PPFIA2: variants seen among roughly 807,000 people sequenced by gnomAD.
The protein encoded by PPFIA2 is PPFI scaffold protein A2.
PPFIA2 carries 46 observed loss-of-function variants against 175.5 expected under a neutral mutation model. That is an observed-to-expected ratio of 0.26 (90% CI 0.21 to 0.34). The LOEUF is 0.34. Among genes scored for constraint, PPFIA2 ranks in the 10% least tolerant of loss-of-function variants. The pLI is 1.00. For synonymous variants in PPFIA2, 568 were observed against 511.4 expected (o/e 1.11, Z -1.49); for missense variants, 1,179 against 1,506.1 (o/e 0.78, Z 3.60).
chr12:81,399,586 T>G (rs1039214675), intron 8 of PPFIA2, among the ~76,000 whole-genome samples: 1 of 152,110 alleles, frequency 6.6e-6, no homozygotes, highest in Non-Finnish European at 1.5e-5. Context: ...TACAACTTCA[T>G]GTATATATGG....
At chr12:81,429,436 A>C (rs775639468) in intron 7 of PPFIA2, among the ~76,000 whole-genome samples, 3 of 151,978 alleles carry the variant, frequency 2.0e-5, no homozygotes, top group Non-Finnish European at 4.4e-5. Context: ...CACTTGATTA[A>C]TTTTTCAAAT....
chr12:81,445,616 T>C lies in PPFIA2; in HGVS notation c.510A>G (p.Glu170=), dbSNP rs757698218. ...QAQSPSGVSS[E]VEVLKALKSL... ...ATTTCAGTGCCTTGAGAACTTCAACTTCACTGGATACTCCTGAGGGAGACT... is the reference window on the plus strand; with the variant it reads ...ATTTCAGTGCCTTGAGAACTTCAACCTCACTGGATACTCCTGAGGGAGACT... The change falls in exon 6 of 33, where the codon GAA becomes GAG. Residue 170 remains glutamate (E), a synonymous_variant. Coordinates refer to ENST00000549396, the MANE Select transcript of PPFIA2 (RefSeq NM_003625.5). The C allele has an allele frequency of 1.9e-6, 3 of 1,613,780 alleles. No homozygotes were observed. In the African/African-American group the frequency reaches 4.0e-5, roughly 22 times the overall value.
At chr12:81,367,365 T>A (rs2033791300) in intron 13 of PPFIA2, among the ~76,000 whole-genome samples, 195 bp from the exon 14 acceptor site, 1 of 151,610 alleles carries the variant, frequency 6.6e-6, no homozygotes, top group Admixed American at 6.6e-5. Context: ...ATACATAATT[T>A]AAATGGGAAA....
chr12:81,293,351 A>T (rs2045565472), intron 24 of PPFIA2, among the ~76,000 whole-genome samples: 1 of 152,054 alleles, frequency 6.6e-6, no homozygotes, highest in Non-Finnish European at 1.5e-5. Context: ...TAGGATAGGT[A>T]AAAAATTATG....
intron 22 of PPFIA2, among the ~76,000 whole-genome samples, chr12:81,325,445 A>G (rs762757419): frequency 1.3e-5 from 2 of 152,254 alleles, no homozygotes; most frequent in Non-Finnish European, 2.9e-5. Context: ...AAACAAAGCT[A>G]GATGGTATAA....
chr12:81,433,006 T>G (rs2144605485), intron 7 of PPFIA2, among the ~76,000 whole-genome samples: 1 of 147,736 alleles, frequency 6.8e-6, no homozygotes, highest in South Asian at 2.1e-4. Flanking sequence ...CCTTTAATGG[T>G]TTTCACTTTA....
At chr12:81,410,415 C>T (rs554770133) in intron 7 of PPFIA2, among the ~76,000 whole-genome samples, 118 of 152,118 alleles carry the variant, frequency 7.8e-4, no homozygotes, top group Middle Eastern at 3.4e-3. Context: ...GGCTGATACC[C>T]TTGCTGGAAT....
intron 24 of PPFIA2, among the ~76,000 whole-genome samples, chr12:81,290,109 A>G (rs10862282): frequency 0.9 from 137,042 of 151,722 alleles, 63,256 homozygotes; most frequent in Non-Finnish European, 0.99. Flanking sequence ...CCGAAGCCCA[A>G]GTACCTTGTC....
intron 4 of PPFIA2, chr12:81,597,854 C>A: frequency 8.0e-7 from 1 of 1,251,224 alleles, no homozygotes; most frequent in Non-Finnish European, 1.1e-6. Flanking sequence ...TCAATACTTC[C>A]AACCTTTTTA....
chr12:81,483,222 T>C (rs2058446764), intron 4 of PPFIA2, among the ~76,000 whole-genome samples: 1 of 152,152 alleles, frequency 6.6e-6, no homozygotes, highest in Non-Finnish European at 1.5e-5. Context: ...ACAAGGTAAA[T>C]GAAAACACAT....
chr12:81,482,576 T>C (rs1011295519), intron 4 of PPFIA2, among the ~76,000 whole-genome samples: 6 of 152,174 alleles, frequency 3.9e-5, no homozygotes, highest in African/African-American at 1.2e-4. Context: ...GATGAGTTCA[T>C]GTCCTTTGCA....
rs775452585 is a variant in PPFIA2, at chr12:81,306,544, T to G, written c.2643-7162A>C. 5.1e-3 allele frequency among the ~76,000 whole-genome samples: 695 copies of G among 136,476 alleles called. 6 individuals are homozygous for G. The highest frequency in any genetic ancestry group is 0.02 in the Admixed American group (285 of 14,444). The allele number at this position is 136,476 out of a possible 152,430, so 89.5% of individuals were successfully genotyped here. ...TTGTTTGTTTGTTTGTTTCGTTGTTTTTTTTTTTTTTTTTTTGGCAGAGTT... is the reference window on the plus strand; with the variant it reads ...TTGTTTGTTTGTTTGTTTCGTTGTTGTTTTTTTTTTTTTTTTGGCAGAGTT... On this transcript the variant is annotated intron_variant, in intron 22 of 32. Coordinates refer to ENST00000549396, the MANE Select transcript of PPFIA2 (RefSeq NM_003625.5).
chr12:81,290,158 C>G (rs1370097908), intron 24 of PPFIA2, among the ~76,000 whole-genome samples: 1 of 151,614 alleles, frequency 6.6e-6, no homozygotes, highest in African/African-American at 2.4e-5. Flanking sequence ...ACACGAAATA[C>G]CTGGCTGAGG....
At chr12:81,334,328 G>A (rs1471825699) in intron 21 of PPFIA2, among the ~76,000 whole-genome samples, 1 of 152,054 alleles carries the variant, frequency 6.6e-6, no homozygotes, top group Non-Finnish European at 1.5e-5. Context: ...TACTATCTTT[G>A]CTAAAGTGAA....
chr12:81,299,352 C>A lies in PPFIA2; in HGVS notation c.2673G>T (p.Lys891Asn). The A allele has an allele frequency of 6.3e-7, 1 of 1,594,264 alleles. No homozygotes were observed. Among genetic ancestry groups the A allele is most frequent in the Admixed American group, 1.7e-5 (1 of 57,532 alleles). ...KHELLEEARRKGLPFAQWDGP... is the reference protein window; with the variant it reads ...KHELLEEARRNGLPFAQWDGP... ...CATCCCACTGGGCAAAAGGTAATCC[C>A]TTTCTCCGAGCTTCTTCAAGAAGTT... The change falls in exon 23 of 33, where the codon AAG (lysine) becomes AAT (asparagine). Residue 891 changes from lysine (K) to asparagine (N), a missense_variant. Around this residue, in one of 10 missense-constraint regions of PPFIA2, gnomAD observed 44 missense variants for 81.3 expected, o/e 0.54. Transcript: ENST00000549396.
Position 81,332,060 on chromosome 12 carries a change from A to G in PPFIA2, c.2549-6190T>C, listed in dbSNP as rs563191026. ...AAATATTTCTGTCTCTTCTCCATAC[A>G]CTATCATCATTTTTCTAAGCTGACA... On this transcript the variant is annotated intron_variant, in intron 21 of 32. Coordinates refer to ENST00000549396, the MANE Select transcript of PPFIA2 (RefSeq NM_003625.5). Among the ~76,000 whole-genome samples, 5 of 152,202 alleles carry G rather than the reference A, an allele frequency of 3.3e-5. No homozygotes were observed. The East Asian group carries it at 7.7e-4, about 24-fold the overall frequency.
chr12:81,392,808 C>T (rs1414755457), intron 8 of PPFIA2, among the ~76,000 whole-genome samples: 16 of 151,908 alleles, frequency 1.1e-4, no homozygotes, highest in Admixed American at 1.1e-3. Flanking sequence ...TTAATTCATC[C>T]CCAACTCAAT....
intron 3 of PPFIA2, among the ~76,000 whole-genome samples, chr12:81,700,977 G>C (rs926736039): frequency 6.6e-6 from 1 of 152,040 alleles, no homozygotes; most frequent in South Asian, 2.1e-4. Flanking sequence ...AAAAGGTTTG[G>C]AAGATAAAGA....
chr12:81,313,450 C>T (rs2051467746), intron 22 of PPFIA2, among the ~76,000 whole-genome samples: 1 of 151,898 alleles, frequency 6.6e-6, no homozygotes, highest in South Asian at 2.1e-4. Context: ...TTTATTAAAT[C>T]GGCACTTTGA....
Sources: gnomAD v4.1 joint callset for allele counts (sites outside exome capture counted in the v4.1 genomes callset) on GRCh38, gnomAD v4.1.1 for gene constraint, gnomAD v4.1.1 regional missense constraint, MANE v1.5 for transcripts, NCBI Gene and HGNC (gene_info 2026-07-23, HGNC 2026-07-21) for gene names.